Variants in SLC35F1 observed in about 807,000 individuals in gnomAD.
SLC35F1 encodes chromosome 6 open reading frame 169.
Under a neutral mutation model 48.7 loss-of-function variants are expected in SLC35F1, and 14 were observed. The ratio of observed to expected loss-of-function variants is 0.29; its 90% CI spans 0.19 to 0.45. The LOEUF is 0.45. Ranked by LOEUF, SLC35F1 falls within the 20% of genes least tolerant of loss-of-function variation. SLC35F1 has a pLI of 1.00. For missense variants in SLC35F1, 404 were observed against 500.0 expected, an observed-to-expected ratio of 0.81 and a Z score of 1.83; for synonymous variants, 190 against 202.2, an observed-to-expected ratio of 0.94 and a Z score of 0.51.
intron 1 of SLC35F1, among the ~76,000 whole-genome samples, chr6:118,081,870 G>A (rs1562284083): frequency 6.6e-6 from 1 of 152,058 alleles, no homozygotes; most frequent in African/African-American, 2.4e-5. Context: ...ATTCACTGAG[G>A]GTGACTTGGC....
intron 2 of SLC35F1, among the ~76,000 whole-genome samples, chr6:118,203,728 A>G (rs1582727852): frequency 6.6e-6 from 1 of 152,230 alleles, no homozygotes; most frequent in East Asian, 1.9e-4. Flanking sequence ...CTCACTGAAT[A>G]TCCATGTAAT....
Position 118,177,762 on chromosome 6 carries a change from G to GT in SLC35F1, c.349+23151dup, listed in dbSNP as rs201398743. 2.4e-3 allele frequency among the ~76,000 whole-genome samples: 361 copies of GT among 150,436 alleles called. 1 individual carries two copies. The East Asian group carries it at 0.027, about 11-fold the overall frequency. ...AGTTCCATTGTTCTACATCGTTTTT[G>GT]TTTTTTTTTAACTTACTACTATAGA... On this transcript the variant is annotated intron_variant, in intron 2 of 7. Coordinates refer to ENST00000360388, the MANE Select transcript of SLC35F1 (RefSeq NM_001029858.4).
At chr6:118,029,448 AAGTT>A (rs1229298044) in intron 1 of SLC35F1, among the ~76,000 whole-genome samples, 3 of 151,888 alleles carry the variant, frequency 2.0e-5, no homozygotes, top group African/African-American at 7.3e-5. Context: ...ATTTTATTAT[AAGTT>A]ATTGTTGTTA....
intron 1 of SLC35F1, among the ~76,000 whole-genome samples, chr6:118,080,615 G>T (rs1772893706): frequency 6.6e-6 from 1 of 152,164 alleles, no homozygotes; most frequent in Admixed American, 6.5e-5. Context: ...GACCTTAATT[G>T]AGCTATTAGA....
chr6:118,229,976 A>G (rs1469330204), intron 2 of SLC35F1, among the ~76,000 whole-genome samples: 1 of 152,220 alleles, frequency 6.6e-6, no homozygotes, highest in African/African-American at 2.4e-5. Context: ...CACATTTGCC[A>G]TACTCTACAG....
chr6:118,017,337 CTT>C (rs35369666), intron 1 of SLC35F1, among the ~76,000 whole-genome samples: 1 of 151,914 alleles, frequency 6.6e-6, no homozygotes, highest in African/African-American at 2.4e-5. Flanking sequence ...GACAGGAAAA[CTT>C]TTTTTTGTCC....
chr6:117,983,290 G>A (rs1484395395), intron 1 of SLC35F1, among the ~76,000 whole-genome samples: 1 of 152,100 alleles, frequency 6.6e-6, no homozygotes, highest in African/African-American at 2.4e-5. Context: ...ACAGTCTTTT[G>A]TGGAGGAAGC....
chr6:118,039,796 A>ATTTTTTTTTTT (rs1312799873), intron 1 of SLC35F1, among the ~76,000 whole-genome samples: 3 of 55,916 alleles, frequency 5.4e-5, no homozygotes, highest in African/African-American at 9.3e-5. Flanking sequence ...GCATCTCAGG[A>ATTTTTTTTTTT]TTGTTTTTTT....
chr6:118,015,799 A>C (rs544323173), intron 1 of SLC35F1, among the ~76,000 whole-genome samples: 31 of 152,098 alleles, frequency 2.0e-4, no homozygotes, highest in Non-Finnish European at 4.4e-4. Flanking sequence ...TTTTTTTATG[A>C]CCTCACCCTT....
intron 1 of SLC35F1, among the ~76,000 whole-genome samples, chr6:118,121,000 T>C (rs916041299): frequency 5.3e-5 from 8 of 152,114 alleles, no homozygotes; most frequent in African/African-American, 1.9e-4. Flanking sequence ...GAAATATATA[T>C]ATTTTTTTAT....
chr6:118,007,876 T>C (rs1005137322), intron 1 of SLC35F1, among the ~76,000 whole-genome samples: 3 of 151,964 alleles, frequency 2.0e-5, no homozygotes, highest in South Asian at 2.1e-4. Context: ...GCATTTCTTT[T>C]CTGGAGCTTC....
intron 1 of SLC35F1, among the ~76,000 whole-genome samples, chr6:118,070,660 A>G (rs1772688735): frequency 6.6e-6 from 1 of 151,518 alleles, no homozygotes; most frequent in Non-Finnish European, 1.5e-5. Flanking sequence ...TTACCAGAAT[A>G]TTTCTAAATA....
intron 1 of SLC35F1, among the ~76,000 whole-genome samples, chr6:118,026,431 T>TTTA (rs2114888816): frequency 6.6e-6 from 1 of 152,314 alleles, no homozygotes; most frequent in South Asian, 2.1e-4. Context: ...ACAGATGGTG[T>TTTA]TTAACTATTG....
chr6:118,016,903 C>T (rs987421824), intron 1 of SLC35F1, among the ~76,000 whole-genome samples: 1 of 152,200 alleles, frequency 6.6e-6, no homozygotes, highest in African/African-American at 2.4e-5. Flanking sequence ...TTCTACCACC[C>T]TCGACATCAA....
At chr6:117,996,799 G>A (rs577096540) in intron 1 of SLC35F1, among the ~76,000 whole-genome samples, 1 of 152,118 alleles carries the variant, frequency 6.6e-6, no homozygotes, top group Non-Finnish European at 1.5e-5. Context: ...CATCATCAAA[G>A]TAGATAAAAC....
intron 1 of SLC35F1, among the ~76,000 whole-genome samples, chr6:117,984,467 C>T (rs951617137): frequency 1.4e-5 from 2 of 139,808 alleles, no homozygotes; most frequent in Non-Finnish European, 3.0e-5. Flanking sequence ...CCACTGCACT[C>T]TGGGCGACAG....
intron 1 of SLC35F1, among the ~76,000 whole-genome samples, chr6:118,151,356 A>T (rs897542256): frequency 1.3e-5 from 2 of 151,884 alleles, no homozygotes; most frequent in African/African-American, 2.4e-5. Flanking sequence ...TCCCTATCCC[A>T]CTCTGATCCC....
At chr6:118,092,379 G>A (rs906126864) in intron 1 of SLC35F1, among the ~76,000 whole-genome samples, 1 of 152,220 alleles carries the variant, frequency 6.6e-6, no homozygotes, top group Non-Finnish European at 1.5e-5. Flanking sequence ...AGATTTCAGA[G>A]GATGTATGGA....
In SLC35F1 at chr6:117,921,049, CT is replaced by C. The variant is rs543133985; in HGVS notation, c.173+13153del. ...TCTTTTTATGCTTTGCTCTATTTCT[CT>C]TTGACACACACACACACACACACAC... On this transcript the variant is annotated intron_variant, in intron 1 of 7. Transcript: ENST00000360388. Among the ~76,000 whole-genome samples, 402 of 104,584 alleles carry C rather than the reference CT, an allele frequency of 3.8e-3. 2 individuals carry two copies. Among genetic ancestry groups the C allele is most frequent in the African/African-American group, 0.012 (379 of 30,440 alleles). The allele number at this position is 104,584 out of a possible 152,430, so 68.6% of individuals were successfully genotyped here. A position where few individuals can be genotyped will look rare whatever the true frequency, so the allele number is the denominator to read the frequency against.
Sources: allele counts gnomAD v4.1 joint callset (sites outside exome capture counted in the v4.1 genomes callset), GRCh38; gene constraint gnomAD v4.1.1; transcripts MANE v1.5; gene names NCBI Gene and HGNC (gene_info 2026-07-23, HGNC 2026-07-21).